Variants in MRPL16 observed in about 807,000 individuals in gnomAD.
MRPL16 encodes large ribosomal subunit protein uL16m.
A neutral mutation model predicts 22.7 loss-of-function variants in MRPL16; 17 were observed. That is an observed-to-expected ratio of 0.75 (90% confidence interval 0.51 to 1.12). The LOEUF (loss-of-function observed/expected upper bound fraction) is 1.12. MRPL16 is among the 50% of genes most tolerant of loss of function. The pLI, the probability that MRPL16 is intolerant of heterozygous loss-of-function variation, is 0.00. For missense variants in MRPL16, 316 were observed against 328.7 expected, an observed-to-expected ratio of 0.96 and a Z score of 0.30; for synonymous variants, 103 against 112.8, an observed-to-expected ratio of 0.91 and a Z score of 0.55.
In MRPL16 at chr11:59,809,932, A is replaced by G. The variant is rs1866156331; in HGVS notation, c.56-12T>C. On this transcript the variant is annotated splice_polypyrimidine_tract_variant and intron_variant, in intron 1 of 3. Coordinates refer to ENST00000300151, the MANE Select transcript of MRPL16 (RefSeq NM_017840.4). Reference sequence around the variant, plus strand: ...GAGTGCCCAGGAATCTACAAAGACAAATCAAGTTAAACGACGAAGGTAACA... The same window carrying G: ...GAGTGCCCAGGAATCTACAAAGACAGATCAAGTTAAACGACGAAGGTAACA... 2 of 1,609,974 alleles carry G rather than the reference A, an allele frequency of 1.2e-6. No homozygotes were observed. The highest frequency in any genetic ancestry group is 1.7e-6 in the Non-Finnish European group (2 of 1,178,320).
chr11:59,806,311 T>C lies in MRPL16; in HGVS notation c.*36A>G. The C allele has an allele frequency of 6.3e-7, 1 of 1,589,524 alleles. No individual in the cohort carries two copies. Among genetic ancestry groups the C allele is most frequent in the Non-Finnish European group, 8.6e-7 (1 of 1,163,822 alleles). On this transcript the variant is annotated 3_prime_UTR_variant, in exon 4 of 4. Transcript: ENST00000300151. ...GGGGAATAGAAATGCAGAATCCTTC[T>C]TTCAGTAGCCTATATACAGTTATCT...
At chr11:59,810,225 T>C in intron 1 of MRPL16, 1 of 1,062,148 alleles carries the variant, frequency 9.4e-7, no homozygotes, top group Non-Finnish European at 1.2e-6. Context: ...GCCAGGCTGG[T>C]TTCAAACTAC....
intron 2 of MRPL16, chr11:59,808,919 A>T (rs1043691112): frequency 1.3e-5 from 2 of 152,208 alleles, no homozygotes; most frequent in Admixed American, 6.5e-5. Flanking sequence ...AATCATTTTT[A>T]AAAATTTCTT....
intron 3 of MRPL16, 79 bp downstream of exon 3, chr11:59,807,622 C>T: frequency 6.8e-7 from 1 of 1,467,258 alleles, no homozygotes; most frequent in Non-Finnish European, 9.2e-7. Context: ...GAGGAAGAGA[C>T]TAAATTATCT....
chr11:59,807,861 A>G lies in MRPL16; in HGVS notation c.122-12T>C. On this transcript the variant is annotated splice_polypyrimidine_tract_variant and intron_variant, in intron 2 of 3. Transcript: ENST00000300151. The stretch of plus-strand genomic sequence containing the variant: ...AGGAATGGAAACATCTAAAAGAAGC[A>G]CAGACAACCAGGATAAAGTAAAACT... The G allele has an allele frequency of 6.3e-7, 1 of 1,598,290 alleles. No individual in the cohort carries two copies. The highest frequency in any genetic ancestry group is 8.5e-7 in the Non-Finnish European group (1 of 1,173,468).
chr11:59,809,154 AT>A (rs920279123), intron 2 of MRPL16, among the ~76,000 whole-genome samples: 325 of 151,980 alleles, frequency 2.1e-3, no homozygotes, highest in African/African-American at 7.5e-3. Context: ...GACCCTATTC[AT>A]TTTTTTTGAG....
chr11:59,807,614 G>T, intron 3 of MRPL16, 87 bp downstream of exon 3: 1 of 1,428,302 alleles, frequency 7.0e-7, no homozygotes, highest in South Asian at 1.4e-5. Context: ...AAACTGTGGA[G>T]GAAGAGACTA....
intron 3 of MRPL16, chr11:59,807,462 TTAGC>T (rs1293382852): frequency 9.0e-6 from 3 of 332,536 alleles, no homozygotes; most frequent in Non-Finnish European, 1.6e-5. Flanking sequence ...ATGGGGCACA[TTAGC>T]TAGCCCCTTC....
At position 59,807,757 on chromosome 11, in the gene MRPL16, T is replaced by G; in HGVS notation, c.214A>C (p.Ile72Leu). ...GTAGCTTCAGTGGAAGGTCCCCGTA[T>G]GTCACTTAAATTTTTAGGTTCTCTT... is the stretch of plus-strand genomic sequence containing the variant. ...VRREPKNLSD[I>L]RGPSTEATEF... is the part of the protein sequence containing the mutation. Residue 72 changes from isoleucine (I) to leucine (L), a missense_variant, in exon 3 of 4, where the codon ATA becomes CTA. By Grantham distance (5) the Ile-to-Leu change is conservative. Coordinates refer to ENST00000300151, the MANE Select transcript of MRPL16 (RefSeq NM_017840.4). 6.2e-7 allele frequency: 1 copy of G among 1,613,902 alleles called. No individual in the cohort carries two copies. The highest frequency in any genetic ancestry group is 8.5e-7 in the Non-Finnish European group (1 of 1,179,908).
intron 1 of MRPL16, chr11:59,810,372 G>A (rs1311732956): frequency 2.2e-6 from 3 of 1,391,138 alleles, no homozygotes; most frequent in Non-Finnish European, 2.8e-6. Context: ...TGGACTCAAA[G>A]GCTCAGGCTC....
At position 59,806,572 on chromosome 11, in the gene MRPL16, G is replaced by T. The variant is rs757421832; in HGVS notation, c.531C>A (p.Asp177Glu). The T allele has an allele frequency of 1.9e-6, 3 of 1,614,222 alleles. No individual in the cohort carries two copies. Among genetic ancestry groups the T allele is most frequent in the Non-Finnish European group, 2.5e-6 (3 of 1,180,044 alleles). Residue 177 changes from aspartate to glutamate, a missense_variant, in exon 4 of 4, where the codon GAC becomes GAA. Coordinates refer to ENST00000300151, the MANE Select transcript of MRPL16 (RefSeq NM_017840.4). Reference protein sequence around the residue: ...CEFEEVQGFLDQVAHKLPFAA... With the variant: ...CEFEEVQGFLEQVAHKLPFAA... ...CGAAGGGCAACTTGTGGGCAACCTGGTCAAGGAAACCTTGCACTTCTTCAA... is the reference window on the plus strand; with the variant it reads ...CGAAGGGCAACTTGTGGGCAACCTGTTCAAGGAAACCTTGCACTTCTTCAA...
In MRPL16 at chr11:59,806,412, T is replaced by G. The variant is rs1474179308; in HGVS notation, c.691A>C (p.Ser231Arg). Residue 231 changes from serine (S) to arginine (R), a missense_variant, in exon 4 of 4, where the codon AGC (serine) becomes CGC (arginine). Coordinates refer to ENST00000300151, the MANE Select transcript of MRPL16 (RefSeq NM_017840.4). ...ANMLGIRKVL[S>R]PYDLTHKGKY... ...CCCTTGTGGGTCAAGTCATATGGGC[T>G]CAGTACTTTCCGTATGCCCAGCATG... The G allele has an allele frequency of 6.2e-7, 1 of 1,614,218 alleles. No individual in the cohort carries two copies. Among genetic ancestry groups the G allele is most frequent in the East Asian group, 2.2e-5 (1 of 44,888 alleles).
In MRPL16 at chr11:59,807,932, G is replaced by C; in HGVS notation, c.122-83C>G. On this transcript the variant is annotated intron_variant, in intron 2 of 3. Coordinates refer to ENST00000300151, the MANE Select transcript of MRPL16 (RefSeq NM_017840.4). ...TTTCCTAGAAAGATTTATAACAGGT[G>C]AAAGTCTTAATTTCTTTCTTCTTCA... The C allele has an allele frequency of 1.2e-5, 17 of 1,387,128 alleles. 1 individual carries two copies. In the South Asian group the frequency reaches 2.5e-4, roughly 20 times the overall value. 85.9% of individuals were successfully genotyped at this position (1,387,128 alleles called of 1,614,324 possible). A position where few individuals can be genotyped will look rare whatever the true frequency, so the allele number is the denominator to read the frequency against.
intron 1 of MRPL16, 47 bp from the exon 2 acceptor site, chr11:59,809,967 C>A (rs777829163): frequency 1.9e-5 from 28 of 1,476,360 alleles, no homozygotes; most frequent in Non-Finnish European, 2.6e-5. Flanking sequence ...AGGCCGGGAC[C>A]CCGATACAAC....
rs370156098 is a variant in MRPL16 at position 59,809,489 on chromosome 11, C to CCCGCCT, written c.121+360_121+365dup. The CCCGCCT allele has an allele frequency of 6.5e-3, 1,416 of 218,946 alleles. 10 individuals are homozygous for CCCGCCT. The highest frequency in any genetic ancestry group is 0.018 in the African/African-American group (736 of 42,020). 13.6% of individuals were successfully genotyped at this position (218,946 alleles called of 1,614,324 possible). On this transcript the variant is annotated intron_variant, in intron 2 of 3. Transcript: ENST00000300151. ...CCAACTCCTGGCCTCAAGTGATCCA[C>CCCGCCT]CCGCCTCCGCCTCCTAAAGTGCTGT...
chr11:59,809,973 A>G, intron 1 of MRPL16, 53 bp from the exon 2 acceptor site: 1 of 1,446,500 alleles, frequency 6.9e-7, no homozygotes, highest in Non-Finnish European at 9.6e-7. Flanking sequence ...GGACCCCGAT[A>G]CAACCTGGGC....
At chr11:59,808,689 A>G (rs930597617) in intron 2 of MRPL16, 1 of 152,222 alleles carries the variant, frequency 6.6e-6, no homozygotes, top group African/African-American at 2.4e-5. Context: ...ACATAAAAAT[A>G]TCTAAGTTCT....
At position 59,807,775 on chromosome 11, in the gene MRPL16, GTTCTCTTCTT is replaced by G; in HGVS notation, c.186_195del (p.Arg63LeufsTer4). 6.2e-7 allele frequency: 1 copy of G among 1,613,386 alleles called. No individual in the cohort carries two copies. The highest frequency in any genetic ancestry group is 8.5e-7 in the Non-Finnish European group (1 of 1,179,692). ...CCCCGTATGTCACTTAAATTTTTAGGTTCTCTTCTTACTTTTGGCACAAGTGGTGCCCTTT... is the reference window on the plus strand; with the variant it reads ...CCCCGTATGTCACTTAAATTTTTAGGACTTTTGGCACAAGTGGTGCCCTTT... On this transcript the variant is annotated frameshift_variant, in exon 3 of 4. Transcript: ENST00000300151. LOFTEE classifies it high-confidence loss of function.
At chr11:59,809,576 G>T in intron 2 of MRPL16, 1 of 376,448 alleles carries the variant, frequency 2.7e-6, no homozygotes, top group Non-Finnish European at 4.8e-6. Flanking sequence ...ATGACTACTG[G>T]CTGAGTGGAC....
Sources: allele counts gnomAD v4.1 joint callset (sites outside exome capture counted in the v4.1 genomes callset), GRCh38; gene constraint gnomAD v4.1.1; transcripts MANE v1.5; gene names NCBI Gene and HGNC (gene_info 2026-07-23, HGNC 2026-07-21).